The following ROBO2 variants were observed in gnomAD, a reference collection of about 807,000 sequenced individuals.
ROBO2 encodes roundabout guidance receptor 2.
ROBO2 carries 53 observed loss-of-function variants against 160.8 expected under a neutral mutation model. That is an observed-to-expected ratio of 0.33 (90% CI 0.26 to 0.41). The LOEUF is 0.41. Ranked by LOEUF, ROBO2 falls within the 10% of genes least tolerant of loss-of-function variation. The pLI is 1.00. For synonymous variants in ROBO2, 664 were observed against 611.7 expected (o/e 1.09, Z -1.26); for missense variants, 1,577 against 1,722.4 (o/e 0.92, Z 1.49).
At chr3:76,482,257 C>T (rs1182917737) in intron 2 of ROBO2, among the ~76,000 whole-genome samples, 1 of 152,104 alleles carries the variant, frequency 6.6e-6, no homozygotes, top group East Asian at 1.9e-4. Flanking sequence ...TTCAGAAAAA[C>T]TGACACAATA....
intron 2 of ROBO2, among the ~76,000 whole-genome samples, chr3:77,211,159 G>A (rs1014603273): frequency 1.5e-4 from 23 of 152,236 alleles, no homozygotes; most frequent in East Asian, 5.8e-4. Flanking sequence ...CTGAGGAATC[G>A]CCACACTGAC....
intron 2 of ROBO2, among the ~76,000 whole-genome samples, chr3:76,992,731 A>T (rs2060758998): frequency 6.6e-6 from 1 of 152,088 alleles, no homozygotes. Context: ...GAGTCACAAG[A>T]AATGGTATAG....
intron 2 of ROBO2, among the ~76,000 whole-genome samples, chr3:76,919,773 C>A (rs1167000): frequency 6.6e-6 from 1 of 151,964 alleles, no homozygotes; most frequent in Admixed American, 6.6e-5. Flanking sequence ...TCTTGAATCA[C>A]TGATCAAAAC....
At chr3:77,269,442 C>A (rs948888092) in intron 2 of ROBO2, among the ~76,000 whole-genome samples, 1 of 152,060 alleles carries the variant, frequency 6.6e-6, no homozygotes, top group African/African-American at 2.4e-5. Context: ...TACCTTTTTT[C>A]CACATGGGCT....
Position 77,304,370 on chromosome 3 carries a change from T to G in ROBO2, c.389-173044T>G, listed in dbSNP as rs140685319. 6.3e-3 allele frequency among the ~76,000 whole-genome samples: 952 copies of G among 152,270 alleles called. 15 individuals are homozygous for G. Among genetic ancestry groups the G allele is most frequent in the African/African-American group, 0.022 (915 of 41,540 alleles). On this transcript the variant is annotated intron_variant, in intron 2 of 25. Coordinates refer to ENST00000461745, the Ensembl canonical transcript of ROBO2. ...TGAAGGCACGGTGCTGTTTTCCTCA[T>G]AATAGGGAACATTAGCAACCAGTGG...
intron 2 of ROBO2, among the ~76,000 whole-genome samples, chr3:77,451,180 T>C (rs2081076137): frequency 6.6e-6 from 1 of 152,128 alleles, no homozygotes; most frequent in East Asian, 1.9e-4. Flanking sequence ...TTTTCTTCAA[T>C]AGCTTAAAAT....
intron 2 of ROBO2, among the ~76,000 whole-genome samples, chr3:76,455,969 G>C (rs899640345): frequency 6.6e-6 from 1 of 152,114 alleles, no homozygotes; most frequent in Non-Finnish European, 1.5e-5. Context: ...TTTTCAGCTT[G>C]ACTCTATGAA....
At chr3:77,192,681 T>A (rs1177449362) in intron 2 of ROBO2, among the ~76,000 whole-genome samples, 8 of 113,918 alleles carry the variant, frequency 7.0e-5, no homozygotes. Flanking sequence ...TGAGACAGAG[T>A]CTCACCCAGG....
At chr3:76,654,913 G>GTGTATATATA (rs536883164) in intron 2 of ROBO2, among the ~76,000 whole-genome samples, 334 of 74,128 alleles carry the variant, frequency 4.5e-3, no homozygotes, top group Non-Finnish European at 7.2e-3. Flanking sequence ...ATATGTGTGT[G>GTGTATATATA]TATATATATA....
rs200036125 is a variant in ROBO2, at chr3:75,908,020, G to GT, written c.-14+1067dup. On this transcript the variant is annotated intron_variant, in intron 1 of 26. Coordinates refer to the ROBO2 transcript ENST00000487694. ...TTTTGCTTTTAGGTGTTTTGGGTCT[G>GT]TTTTTTTAAAAAAATTCAATACTTA... Among the ~76,000 whole-genome samples the GT allele has an allele frequency of 8.2e-4, 124 of 152,044 alleles. 2 individuals carry two copies. In the East Asian group the frequency reaches 0.012, roughly 15 times the overall value.
chr3:77,300,443 A>G (rs1490106713), intron 2 of ROBO2, among the ~76,000 whole-genome samples: 1 of 152,150 alleles, frequency 6.6e-6, no homozygotes, highest in Admixed American at 6.5e-5. Context: ...TGTAGAGAGC[A>G]TGAATGTAGC....
intron 2 of ROBO2, among the ~76,000 whole-genome samples, chr3:76,117,102 G>A (rs917905950): frequency 4.6e-5 from 7 of 152,168 alleles, no homozygotes; most frequent in Non-Finnish European, 1.0e-4. Flanking sequence ...ACATTCTAAT[G>A]TAGAGTAGAA....
intron 1 of ROBO2, among the ~76,000 whole-genome samples, chr3:77,042,664 C>T (rs759610100): frequency 8.5e-5 from 13 of 152,084 alleles, no homozygotes; most frequent in Non-Finnish European, 1.8e-4. Flanking sequence ...TAGTAAGACA[C>T]CATTTCTGTC....
chr3:76,081,144 T>TTA (rs1553736481), intron 2 of ROBO2, among the ~76,000 whole-genome samples: 2 of 151,676 alleles, frequency 1.3e-5, no homozygotes, highest in African/African-American at 4.8e-5. Flanking sequence ...AGTTTTTTTT[T>TTA]ACAAAATTTT....
At chr3:76,833,783 A>T (rs2109355992) in intron 2 of ROBO2, among the ~76,000 whole-genome samples, 1 of 152,250 alleles carries the variant, frequency 6.6e-6, no homozygotes, top group Non-Finnish European at 1.5e-5. Context: ...GCCCACAGGG[A>T]CACAGTCATT....
At chr3:76,295,222 A>T (rs1709006256) in intron 2 of ROBO2, among the ~76,000 whole-genome samples, 1 of 152,120 alleles carries the variant, frequency 6.6e-6, no homozygotes, top group South Asian at 2.1e-4. Flanking sequence ...TATTTATTGA[A>T]AAAAAAGTGT....
intron 2 of ROBO2, among the ~76,000 whole-genome samples, chr3:76,619,014 T>G (rs1449471768): frequency 6.6e-6 from 1 of 151,652 alleles, no homozygotes; most frequent in African/African-American, 2.4e-5. Flanking sequence ...CCTCTGAGCA[T>G]TTAAGTTAAA....
chr3:76,513,180 T>C (rs1205933495), intron 2 of ROBO2, among the ~76,000 whole-genome samples: 4 of 152,130 alleles, frequency 2.6e-5, no homozygotes, highest in Non-Finnish European at 5.9e-5. Context: ...GAGCTATAAA[T>C]TTTATTCAAA....
intron 2 of ROBO2, among the ~76,000 whole-genome samples, chr3:75,988,238 T>A (rs551301640): frequency 2.8e-4 from 42 of 152,276 alleles, no homozygotes; most frequent in African/African-American, 8.7e-4. Context: ...GATTTTCTAT[T>A]TTTTCATGAT....
Sources: gnomAD v4.1 joint callset for allele counts (sites outside exome capture counted in the v4.1 genomes callset) on GRCh38, gnomAD v4.1.1 for gene constraint, MANE v1.5 for transcripts, NCBI Gene and HGNC (gene_info 2026-07-23, HGNC 2026-07-21) for gene names.